The following ESR1 variants were observed in gnomAD, a reference collection of about 807,000 sequenced individuals.
ESR1 encodes estrogen receptor.
ESR1 carries 12 observed loss-of-function variants against 52.7 expected under a neutral mutation model. That is an observed-to-expected ratio of 0.23 (90% CI 0.15 to 0.37). The LOEUF is 0.37. Ranked by LOEUF, ESR1 falls within the 10% of genes least tolerant of loss-of-function variation. The pLI is 1.00. For missense variants in ESR1, 584 were observed against 779.7 expected, an observed-to-expected ratio of 0.75 and a Z score of 2.99; for synonymous variants, 305 against 316.8, an observed-to-expected ratio of 0.96 and a Z score of 0.39.
At chr6:151,769,158 A>G (rs1409309654) in intron 2 of ESR1, among the ~76,000 whole-genome samples, 1 of 152,170 alleles carries the variant, frequency 6.6e-6, no homozygotes, top group Non-Finnish European at 1.5e-5. Flanking sequence ...TTTCACCAAG[A>G]CATTATCGGG....
chr6:151,777,917 G>A (rs1786168720), intron 2 of ESR1, among the ~76,000 whole-genome samples: 1 of 151,966 alleles, frequency 6.6e-6, no homozygotes, highest in Admixed American at 6.6e-5. Flanking sequence ...CCGAGACTGC[G>A]CCACTGCACT....
rs78651602 is a variant in ESR1, at chr6:151,706,393, G to A, written c.-71+4388G>A. ...TTGAAAGTGATCCACTGCTGTTTCT[G>A]TTTAACTTTCTTCAATCCTACTGGG... On this transcript the variant is annotated intron_variant, in intron 2 of 2. Coordinates refer to the ESR1 transcript ENST00000404742. Among the ~76,000 whole-genome samples the A allele has an allele frequency of 3.1e-3, 467 of 152,270 alleles. 3 individuals carry two copies. The highest frequency in any genetic ancestry group is 0.011 in the African/African-American group (445 of 41,558).
intron 5 of ESR1, among the ~76,000 whole-genome samples, chr6:152,037,439 G>A (rs1374544587): frequency 1.3e-5 from 2 of 152,168 alleles, no homozygotes; most frequent in African/African-American, 2.4e-5. Context: ...AGGTTCACCA[G>A]GCCTCTGAAA....
chr6:152,062,361 C>T (rs1209531817), intron 6 of ESR1, among the ~76,000 whole-genome samples: 1 of 152,226 alleles, frequency 6.6e-6, no homozygotes, highest in African/African-American at 2.4e-5. Context: ...TTCCCCACCA[C>T]CACTAGTAAC....
At chr6:151,664,400 TGAAAA>T (rs759408289) in intron 1 of ESR1, among the ~76,000 whole-genome samples, 15 of 152,226 alleles carry the variant, frequency 9.9e-5, no homozygotes, top group Non-Finnish European at 1.9e-4. Flanking sequence ...AGTAGCTTAT[TGAAAA>T]ACTATCATGG....
intron 5 of ESR1, among the ~76,000 whole-genome samples, chr6:152,057,201 T>C (rs765604308): frequency 6.6e-6 from 1 of 152,114 alleles, no homozygotes; most frequent in South Asian, 2.1e-4. Context: ...ATGTGCCAGA[T>C]TGTAGGTTGA....
rs537465637 is a variant in ESR1, at chr6:151,977,935, A to G, written c.1096+33427A>G. Among the ~76,000 whole-genome samples, 7 of 145,084 alleles carry G rather than the reference A, an allele frequency of 4.8e-5. No individual in the cohort carries two copies. In the South Asian group the frequency reaches 1.6e-3, roughly 33 times the overall value. On this transcript the variant is annotated intron_variant, in intron 4 of 7. Coordinates refer to ENST00000206249, the MANE Select transcript of ESR1 (RefSeq NM_000125.4). ...TCTGACCCTTCTGAAAATAACCACC[A>G]TGAGTGAGACAGCAGGAAAAAAAAA...
intron 1 of ESR1, among the ~76,000 whole-genome samples, chr6:151,664,770 A>T (rs1777763191): frequency 6.6e-6 from 1 of 152,246 alleles, no homozygotes; most frequent in Non-Finnish European, 1.5e-5. Context: ...TCGATGTTTT[A>T]GCTGAAAGTC....
intron 6 of ESR1, among the ~76,000 whole-genome samples, chr6:152,070,309 TCCC>T (rs2048266887): frequency 7.3e-6 from 1 of 137,348 alleles, no homozygotes; most frequent in Admixed American, 6.8e-5. Context: ...ATAGGTGCCC[TCCC>T]TCTGTCCTTG....
chr6:151,822,441 A>G (rs568726775), intron 1 of ESR1, among the ~76,000 whole-genome samples: 1 of 152,308 alleles, frequency 6.6e-6, no homozygotes, highest in Admixed American at 6.5e-5. Context: ...CCCTCGTGAT[A>G]CTCTGAGAGG....
Position 152,094,750 on chromosome 6 carries a change from G to A in ESR1, c.1553+182G>A, listed in dbSNP as rs183202892. On this transcript the variant is annotated intron_variant, in intron 7 of 7. Coordinates refer to ENST00000206249, the MANE Select transcript of ESR1 (RefSeq NM_000125.4). This position sits in a 1 kb window ranked among gnomAD's most constrained non-coding sequence, Gnocchi z 4.6. ...AAGAGAGAGGTTTTAAATCTGCGAG[G>A]GTCACAGGGCAAGTGTCAGAGAAGG... 7.2e-5 allele frequency among the ~76,000 whole-genome samples: 11 copies of A among 152,294 alleles called. No individual in the cohort carries two copies. Among genetic ancestry groups the A allele is most frequent in the Admixed American group, 1.3e-4 (2 of 15,296 alleles).
chr6:151,961,759 G>A (rs1008989028), intron 4 of ESR1, among the ~76,000 whole-genome samples: 1 of 152,186 alleles, frequency 6.6e-6, no homozygotes, highest in South Asian at 2.1e-4. Flanking sequence ...AAGAGTAGTT[G>A]TGCCACAGTC....
chr6:151,798,316 T>C (rs989539780), intron 2 of ESR1, among the ~76,000 whole-genome samples: 2 of 151,950 alleles, frequency 1.3e-5, no homozygotes, highest in African/African-American at 4.8e-5. Context: ...CTCGACAGCA[T>C]GATAAGGAAG....
At chr6:151,925,812 C>T (rs1190326119) in intron 3 of ESR1, among the ~76,000 whole-genome samples, 1 of 151,266 alleles carries the variant, frequency 6.6e-6, no homozygotes, top group African/African-American at 2.4e-5. Context: ...TTTAATGAAG[C>T]CCAATTTATT....
chr6:152,128,753 A>C (rs1562869544), exon 7 of ESR1: 1 of 152,244 alleles, frequency 6.6e-6, no homozygotes, highest in East Asian at 1.9e-4. Flanking sequence ...GGACCAGTGC[A>C]AGATTAAACA....
chr6:151,991,857 C>T (rs987017716), intron 4 of ESR1, among the ~76,000 whole-genome samples: 3 of 152,134 alleles, frequency 2.0e-5, no homozygotes, highest in Non-Finnish European at 4.4e-5. Flanking sequence ...ACAGGAGTGC[C>T]TTCTCAGGGG....
At chr6:152,044,668 G>C (rs368731587) in intron 5 of ESR1, among the ~76,000 whole-genome samples, 1 of 152,142 alleles carries the variant, frequency 6.6e-6, no homozygotes. Context: ...TCCAATGTTC[G>C]AGGCCAGGAA....
At chr6:151,956,207 G>A (rs2128574859) in intron 4 of ESR1, among the ~76,000 whole-genome samples, 1 of 152,272 alleles carries the variant, frequency 6.6e-6, no homozygotes, top group African/African-American at 2.4e-5. Context: ...GTGTCTTTAT[G>A]GTAGAACGAT....
intron 2 of ESR1, among the ~76,000 whole-genome samples, chr6:151,798,745 T>C (rs939473052): frequency 4.1e-4 from 62 of 152,176 alleles, no homozygotes; most frequent in African/African-American, 1.4e-3. Context: ...CTGTTATTGT[T>C]GAAGGTATTA....
Sources: allele counts gnomAD v4.1 joint callset (sites outside exome capture counted in the v4.1 genomes callset), GRCh38; gene constraint gnomAD v4.1.1; non-coding constraint Gnocchi (gnomAD v3.1); transcripts MANE v1.5; gene names NCBI Gene and HGNC (gene_info 2026-07-23, HGNC 2026-07-21).